ARHGAP22: variants seen among roughly 807,000 people sequenced by gnomAD.
ARHGAP22 encodes rho GTPase-activating protein 22.
ARHGAP22 carries 48 observed loss-of-function variants against 59.1 expected under a neutral mutation model. The observed-to-expected ratio is 0.81, with a 90% CI of 0.64 to 1.03. ARHGAP22 has a LOEUF of 1.03. ARHGAP22 is among the 50% of genes least tolerant of loss of function. ARHGAP22 has a pLI of 0.00. For synonymous variants in ARHGAP22, 445 were observed against 416.4 expected (o/e 1.07, Z -0.84); for missense variants, 1,015 against 958.7 (o/e 1.06, Z -0.78).
the ARHGAP22 span, among the ~76,000 whole-genome samples, chr10:48,440,368 TAGAA>T: frequency 6.6e-6 from 1 of 152,188 alleles, no homozygotes; most frequent in African/African-American, 2.4e-5. Context: ...ATAAGTGACA[TAGAA>T]GTGTGCCAGA....
chr10:48,453,801 G>T (rs1321643721), intron 7 of ARHGAP22, among the ~76,000 whole-genome samples: 1 of 152,210 alleles, frequency 6.6e-6, no homozygotes, highest in South Asian at 2.1e-4. Context: ...GATGCCGGGG[G>T]GACAGGATGG....
chr10:48,632,985 A>T (rs947995686), intron 1 of ARHGAP22, among the ~76,000 whole-genome samples: 1 of 152,182 alleles, frequency 6.6e-6, no homozygotes, highest in Non-Finnish European at 1.5e-5. Context: ...ATCCTGAGTC[A>T]CCTGCCAGAG....
chr10:48,457,447 C>T (rs998235615), intron 5 of ARHGAP22, among the ~76,000 whole-genome samples: 1 of 152,166 alleles, frequency 6.6e-6, no homozygotes, highest in Non-Finnish European at 1.5e-5. Flanking sequence ...TCAAGACCCA[C>T]CCCCCTTAGA....
chr10:48,610,607 C>A (rs1300091820), intron 1 of ARHGAP22, among the ~76,000 whole-genome samples: 1 of 152,174 alleles, frequency 6.6e-6, no homozygotes, highest in African/African-American at 2.4e-5. Flanking sequence ...AGCTGGGTTC[C>A]AGTGGCAGAT....
intron 2 of ARHGAP22, among the ~76,000 whole-genome samples, chr10:48,572,656 T>C (rs2058470005): frequency 6.6e-6 from 1 of 152,202 alleles, no homozygotes; most frequent in Non-Finnish European, 1.5e-5. Flanking sequence ...ACTTAGCTAA[T>C]CTGTTCAGGA....
intron 3 of ARHGAP22, among the ~76,000 whole-genome samples, chr10:48,523,471 G>C (rs1016164700): frequency 6.6e-6 from 1 of 152,194 alleles, no homozygotes; most frequent in Admixed American, 6.5e-5. Flanking sequence ...CGTGTTTCTG[G>C]GCTTTGGGCC....
intron 9 of ARHGAP22, among the ~76,000 whole-genome samples, chr10:48,448,989 A>G (rs1366779249): frequency 6.6e-6 from 1 of 152,206 alleles, no homozygotes; most frequent in South Asian, 2.1e-4. Flanking sequence ...TGGGACTAGA[A>G]TCCAAGTAGT....
chr10:48,536,219 A>G (rs2055338982), intron 3 of ARHGAP22, among the ~76,000 whole-genome samples: 1 of 152,238 alleles, frequency 6.6e-6, no homozygotes. Context: ...TTGCCCCAGG[A>G]TGATGGGCAC....
At chr10:48,617,067 A>AG (rs1250729628) in intron 1 of ARHGAP22, among the ~76,000 whole-genome samples, 7 of 149,896 alleles carry the variant, frequency 4.7e-5, no homozygotes, top group Admixed American at 4.7e-4. Flanking sequence ...TAAATTTGGC[A>AG]GGGGGGAACA....
At chr10:48,623,446 C>T (rs2061349311) in intron 1 of ARHGAP22, among the ~76,000 whole-genome samples, 1 of 152,186 alleles carries the variant, frequency 6.6e-6, no homozygotes, top group African/African-American at 2.4e-5. Context: ...TAATCCACAT[C>T]CACTTAGTTA....
At chr10:48,497,598 G>A (rs1158441672) in intron 3 of ARHGAP22, among the ~76,000 whole-genome samples, 1 of 152,146 alleles carries the variant, frequency 6.6e-6, no homozygotes, top group African/African-American at 2.4e-5. Context: ...AGCAGTCTGG[G>A]GAGGAAGGAG....
At chr10:48,479,009 A>G (rs1327644418) in intron 4 of ARHGAP22, 1 of 152,602 alleles carries the variant, frequency 6.6e-6, no homozygotes, top group Non-Finnish European at 1.5e-5. Flanking sequence ...AAAAATCCCC[A>G]CCAGGACCCC....
chr10:48,472,828 C>CA (rs36082162), intron 4 of ARHGAP22, among the ~76,000 whole-genome samples: 24,971 of 150,524 alleles, frequency 0.17, 2,684 homozygotes, highest in East Asian at 0.6. Flanking sequence ...AAAAAAAAAC[C>CA]AAAAAAAACA....
rs73302273 is a variant in ARHGAP22 at position 48,615,671 on chromosome 10, A to G, written c.53-32519T>C. On this transcript the variant is annotated intron_variant, in intron 1 of 9. Coordinates refer to the ARHGAP22 transcript ENST00000435790. ...ATAATGGAGCTCAGATATTGGACTT[A>G]CTAGACAAAGACTTTAAATCAGCTA... is the stretch of plus-strand genomic sequence containing the variant. Among the ~76,000 whole-genome samples, 356 of 152,316 alleles carry G rather than the reference A, an allele frequency of 2.3e-3. 1 individual carries two copies. Among genetic ancestry groups the G allele is most frequent in the African/African-American group, 8.1e-3 (337 of 41,584 alleles).
At chr10:48,517,219 AAATTC>A (rs1433497757) in intron 3 of ARHGAP22, among the ~76,000 whole-genome samples, 2 of 152,224 alleles carry the variant, frequency 1.3e-5, no homozygotes, top group African/African-American at 2.4e-5. Flanking sequence ...ATATAAATTC[AAATTC>A]AATTCAATTC....
rs1476126098 is a variant in ARHGAP22 at position 48,539,287 on chromosome 10, T to A, written c.322+16176A>T. 1.7e-4 allele frequency among the ~76,000 whole-genome samples: 22 copies of A among 131,236 alleles called. 1 individual carries two copies. The highest frequency in any genetic ancestry group is 1.5e-3 in the Admixed American group (20 of 13,514). The allele number at this position is 131,236 out of a possible 152,430, so 86.1% of individuals were successfully genotyped here. On this transcript the variant is annotated intron_variant, in intron 3 of 9. Coordinates refer to ENST00000249601, the MANE Select transcript of ARHGAP22 (RefSeq NM_021226.4). The stretch of plus-strand genomic sequence containing the variant: ...CTGCTAACAATTAGTATGAGAAGGG[T>A]AACATTTTTTTTTTTTTTTTTTGAG...
intron 3 of ARHGAP22, among the ~76,000 whole-genome samples, chr10:48,486,007 C>T (rs2049823709): frequency 6.6e-6 from 1 of 151,872 alleles, no homozygotes; most frequent in Admixed American, 6.6e-5. Flanking sequence ...TCTATCTGTC[C>T]TTTTTCTCTT....
Position 48,604,681 on chromosome 10 carries a change from C to A in ARHGAP22, c.34+82G>T, listed in dbSNP as rs1171081469. 3.1e-6 allele frequency: 5 copies of A among 1,607,012 alleles called. No homozygotes were observed. The African/African-American group carries it at 5.4e-5, about 17-fold the overall frequency. On this transcript the variant is annotated intron_variant, in intron 1 of 9. Coordinates refer to ENST00000249601, the MANE Select transcript of ARHGAP22 (RefSeq NM_021226.4). ...AACGCCCGCCCCATGTGACACATGG[C>A]GTGACGGCTGGCCAAGTGTCCGCGC...
At position 48,582,950 on chromosome 10, in the gene ARHGAP22, C is replaced by T. The variant is rs748492238; in HGVS notation, c.234+3G>A. The T allele has an allele frequency of 3.1e-6, 5 of 1,614,080 alleles. No homozygotes were observed. The highest frequency in any genetic ancestry group is 4.5e-5 in the East Asian group (2 of 44,896). On this transcript the variant is annotated splice_donor_region_variant and intron_variant, in intron 2 of 9. Coordinates refer to ENST00000249601, the MANE Select transcript of ARHGAP22 (RefSeq NM_021226.4). ...CACGGCACACCGGACATGCACTTCT[C>T]ACCTGGGGCTTGATCTCATCTTTGT...
Sources: gnomAD v4.1 joint callset for allele counts (sites outside exome capture counted in the v4.1 genomes callset) on GRCh38, gnomAD v4.1.1 for gene constraint, MANE v1.5 for transcripts, NCBI Gene and HGNC (gene_info 2026-07-23, HGNC 2026-07-21) for gene names.